The following MTF2 variants were observed in gnomAD, a reference collection of about 807,000 sequenced individuals.
MTF2 encodes the protein metal response element binding transcription factor 2, also known as metal-response element-binding transcription factor 2.
Under a neutral mutation model 79.5 loss-of-function variants are expected in MTF2, and 11 were observed. That is an observed-to-expected ratio of 0.14 (90% CI 0.09 to 0.23). MTF2 has a LOEUF of 0.23. MTF2 is among the 10% of genes least tolerant of loss of function. MTF2 has a pLI of 1.00. For synonymous variants in MTF2, 208 were observed against 232.8 expected, an observed-to-expected ratio of 0.89 and a Z score of 0.97; for missense variants, 486 against 711.2, an observed-to-expected ratio of 0.68 and a Z score of 3.60.
intron 7 of MTF2, 115 bp downstream of exon 7, chr1:93,118,555 T>G: frequency 1.1e-5 from 7 of 619,632 alleles, no homozygotes; most frequent in African/African-American, 3.8e-5. Flanking sequence ...AAAGGGGTTG[T>G]CTCAGAGGGA....
chr1:93,121,653 C>A (rs1156397429), intron 9 of MTF2: 1 of 966,192 alleles, frequency 1.0e-6, no homozygotes, highest in Admixed American at 6.2e-5. Context: ...TATTGAAATT[C>A]AATTGATGAA....
At chr1:93,080,997 A>T (rs539729309) in intron 1 of MTF2, 102 of 152,292 alleles carry the variant, frequency 6.7e-4, no homozygotes, top group African/African-American at 2.1e-3. Flanking sequence ...TTGAATTCAC[A>T]TTTTAAAATT....
intron 1 of MTF2, among the ~76,000 whole-genome samples, chr1:93,093,979 G>A (rs766164633): frequency 6.6e-6 from 1 of 152,172 alleles, no homozygotes; most frequent in African/African-American, 2.4e-5. Flanking sequence ...TAGTTCCACT[G>A]TCTTCTGACT....
intron 3 of MTF2, among the ~76,000 whole-genome samples, chr1:93,114,264 TC>T (rs1013860176): frequency 1.3e-5 from 2 of 152,226 alleles, no homozygotes; most frequent in African/African-American, 4.8e-5. Flanking sequence ...TTACTTTTTT[TC>T]TTTAATTTCA....
At chr1:93,089,556 A>T (rs567127905) in intron 1 of MTF2, among the ~76,000 whole-genome samples, 1 of 151,244 alleles carries the variant, frequency 6.6e-6, no homozygotes, top group African/African-American at 2.4e-5. Context: ...TTCTGCCTTT[A>T]AAAAAAAAGA....
chr1:93,098,479 C>T (rs1224450842), intron 1 of MTF2, among the ~76,000 whole-genome samples: 1 of 152,164 alleles, frequency 6.6e-6, no homozygotes, highest in East Asian at 1.9e-4. Flanking sequence ...TGGCATATAG[C>T]AGGCATTGTA....
chr1:93,126,988 A>G (rs1012559994), intron 9 of MTF2, among the ~76,000 whole-genome samples: 7 of 152,150 alleles, frequency 4.6e-5, no homozygotes, highest in African/African-American at 1.7e-4. Context: ...CGTTGGATTA[A>G]TGTAATGAAC....
chr1:93,097,682 C>A (rs1382956233), intron 1 of MTF2, among the ~76,000 whole-genome samples: 7 of 152,132 alleles, frequency 4.6e-5, no homozygotes, highest in African/African-American at 1.7e-4. Flanking sequence ...ACTGCAACCT[C>A]CACCTCCCGG....
intron 9 of MTF2, among the ~76,000 whole-genome samples, chr1:93,124,392 C>T (rs1011418977): frequency 2.0e-5 from 3 of 151,924 alleles, no homozygotes; most frequent in Admixed American, 2.0e-4. Flanking sequence ...TTTTTGTAAT[C>T]GCTTATTGTC....
intron 3 of MTF2, among the ~76,000 whole-genome samples, chr1:93,113,216 CAA>C (rs34291057): frequency 1.4e-4 from 15 of 106,954 alleles, no homozygotes; most frequent in Admixed American, 1.9e-4. Context: ...CCTGTCGCTA[CAA>C]AAAAAAAAAA....
chr1:93,099,529 A>T (rs964070275), intron 1 of MTF2, among the ~76,000 whole-genome samples: 1 of 152,164 alleles, frequency 6.6e-6, no homozygotes, highest in African/African-American at 2.4e-5. Flanking sequence ...AATAGTATCA[A>T]ACTTCCGAGG....
At chr1:93,095,896 C>T (rs559776660) in intron 1 of MTF2, among the ~76,000 whole-genome samples, 6 of 152,062 alleles carry the variant, frequency 3.9e-5, no homozygotes, top group Non-Finnish European at 5.9e-5. Flanking sequence ...CCTTGTGATC[C>T]GCCCACCTTG....
chr1:93,136,837 A>G lies in MTF2; in HGVS notation c.1592A>G (p.Asn531Ser). The change falls in exon 15 of 15, where the codon AAC becomes AGC. Residue 531 changes from asparagine (N) to serine (S), a missense_variant. Coordinates refer to ENST00000370298, the MANE Select transcript of MTF2 (RefSeq NM_007358.4). ...GAAGATTATCAGTTTGATGAACTCAACACAGAGATTCTGAATAACTTAGCA... is the reference window on the plus strand; with the variant it reads ...GAAGATTATCAGTTTGATGAACTCAGCACAGAGATTCTGAATAACTTAGCA... The part of the protein sequence containing the change: ...GKEDYQFDEL[N>S]TEILNNLADQ... 1.9e-6 allele frequency: 3 copies of G among 1,614,240 alleles called. No individual in the cohort carries two copies. The highest frequency in any genetic ancestry group is 2.5e-6 in the Non-Finnish European group (3 of 1,180,036).
At chr1:93,121,341 C>G in intron 9 of MTF2, 1 of 828,162 alleles carries the variant, frequency 1.2e-6, no homozygotes, top group Non-Finnish European at 1.5e-6. Flanking sequence ...TAGTTAGGGA[C>G]CTTATTTTTA....
Position 93,110,326 on chromosome 1 carries a change from G to A in MTF2, c.102G>A (p.Gln34=), listed in dbSNP as rs774575875. The change falls in exon 2 of 15, where the codon CAG becomes CAA. Residue 34 remains glutamine (Q), a synonymous_variant. Coordinates refer to ENST00000370298, the MANE Select transcript of MTF2 (RefSeq NM_007358.4). The part of the protein sequence containing the change: ...TPTSLTKLSL[Q]DGHKAKKPAC... The stretch of plus-strand genomic sequence containing the variant: ...CATCCTTGACCAAGCTGTCTTTACA[G>A]GATGGACATAAAGCCAAAAAGCCAG... 1.2e-6 allele frequency: 2 copies of A among 1,614,148 alleles called. No homozygotes were observed. Among genetic ancestry groups the A allele is most frequent in the Admixed American group, 1.7e-5 (1 of 60,018 alleles).
At chr1:93,083,564 C>A (rs1238280759) in intron 1 of MTF2, among the ~76,000 whole-genome samples, 3 of 152,044 alleles carry the variant, frequency 2.0e-5, no homozygotes, top group African/African-American at 7.3e-5. Flanking sequence ...GTTTTCATTT[C>A]TCTTGGGTAC....
intron 1 of MTF2, among the ~76,000 whole-genome samples, chr1:93,082,043 GTT>G (rs1330278937): frequency 6.6e-6 from 1 of 151,986 alleles, no homozygotes. Flanking sequence ...TCATATTTCT[GTT>G]TTCATATAAC....
chr1:93,105,867 G>T (rs1466913605), intron 1 of MTF2, among the ~76,000 whole-genome samples: 6 of 152,204 alleles, frequency 3.9e-5, no homozygotes, highest in African/African-American at 1.2e-4. Context: ...GTAGAGACGT[G>T]GTTTGGCCAT....
intron 1 of MTF2, among the ~76,000 whole-genome samples, chr1:93,101,568 G>GTTTTTTTTTTTGTTTTT (rs1655536803): frequency 3.9e-5 from 1 of 25,398 alleles, no homozygotes; most frequent in African/African-American, 1.5e-4. Context: ...GCTCAGGCTG[G>GTTTTTTTTTTTGTTTTT]TTTTTTTTTT....
Sources: gnomAD v4.1 joint callset for allele counts (sites outside exome capture counted in the v4.1 genomes callset) on GRCh38, gnomAD v4.1.1 for gene constraint, MANE v1.5 for transcripts, NCBI Gene and HGNC (gene_info 2026-07-23, HGNC 2026-07-21) for gene names.